GAB2: variants seen among roughly 807,000 people sequenced by gnomAD.
GAB2 encodes the protein GRB2-associated-binding protein 2.
GAB2 carries 26 observed loss-of-function variants against 65.5 expected under a neutral mutation model. That is an observed-to-expected ratio of 0.40 (90% CI 0.29 to 0.55). GAB2 has a LOEUF of 0.55. GAB2 is among the 20% of genes least tolerant of loss of function. The probability of loss-of-function intolerance (pLI) is 0.53; values close to 1 mark genes in which losing one functional copy is unlikely to be tolerated. For synonymous variants in GAB2, 321 were observed against 329.6 expected (o/e 0.97, Z 0.28); for missense variants, 884 against 875.8 (o/e 1.01, Z -0.12).
chr11:78,319,442 GAT>G (rs532212520), intron 1 of GAB2, among the ~76,000 whole-genome samples: 10 of 152,192 alleles, frequency 6.6e-5, no homozygotes, highest in Non-Finnish European at 1.0e-4. Context: ...TATGTATGAA[GAT>G]ATATATTGCA....
At chr11:78,392,789 T>C (rs892283228) in intron 1 of GAB2, among the ~76,000 whole-genome samples, 15 of 152,182 alleles carry the variant, frequency 9.9e-5, no homozygotes, top group Non-Finnish European at 2.1e-4. Context: ...AAATGTTACT[T>C]TTCCATCTGT....
chr11:78,397,067 T>C (rs1174098313), intron 1 of GAB2, among the ~76,000 whole-genome samples: 1 of 152,228 alleles, frequency 6.6e-6, no homozygotes, highest in Non-Finnish European at 1.5e-5. Context: ...TATTTATTAA[T>C]ATTATTTTTG....
At chr11:78,369,482 C>T (rs1248724483) in intron 1 of GAB2, among the ~76,000 whole-genome samples, 2 of 152,132 alleles carry the variant, frequency 1.3e-5, no homozygotes, top group East Asian at 3.8e-4. Flanking sequence ...AACTTGCATC[C>T]CTTATACAGT....
Position 78,349,600 on chromosome 11 carries a change from T to G in GAB2, c.75+68046A>C, listed in dbSNP as rs577142975. ...CATCCTCAGAAAGGAAAAGCCCTGA[T>G]AGCCTAGGGACAAGAAGAGCTGCTA... On this transcript the variant is annotated intron_variant, in intron 1 of 9. Transcript: ENST00000361507. 4.6e-5 allele frequency among the ~76,000 whole-genome samples: 7 copies of G among 152,346 alleles called. No individual in the cohort carries two copies. In the South Asian group the frequency reaches 1.4e-3, roughly 32 times the overall value.
chr11:78,220,267 G>A (rs749069069), intron 9 of GAB2, 52 bp downstream of exon 9: 17 of 1,604,498 alleles, frequency 1.1e-5, no homozygotes, highest in South Asian at 5.5e-5. Flanking sequence ...CATGATCTCT[G>A]CCTCCGGGAC....
intron 1 of GAB2, among the ~76,000 whole-genome samples, chr11:78,303,294 A>C (rs1477885206): frequency 1.3e-5 from 2 of 152,108 alleles, no homozygotes; most frequent in Non-Finnish European, 2.9e-5. Context: ...TTTTCTTATA[A>C]ATGTTTTATA....
intron 3 of GAB2, among the ~76,000 whole-genome samples, chr11:78,242,373 G>C (rs1021035737): frequency 6.6e-6 from 1 of 151,948 alleles, no homozygotes; most frequent in African/African-American, 2.4e-5. Context: ...GTGGTGGCGG[G>C]CACCTGTAGT....
At chr11:78,346,718 TATAA>T (rs1352117370) in intron 1 of GAB2, among the ~76,000 whole-genome samples, 1,760 of 74,720 alleles carry the variant, frequency 0.024, 85 homozygotes, top group East Asian at 0.048. Context: ...TATATATATA[TATAA>T]TTTTTTTTTT....
chr11:78,401,649 G>C (rs1474634476), intron 1 of GAB2, among the ~76,000 whole-genome samples: 2 of 151,950 alleles, frequency 1.3e-5, no homozygotes, highest in African/African-American at 2.4e-5. Flanking sequence ...CAGTATTCCA[G>C]TGTGTGTGCG....
intron 1 of GAB2, among the ~76,000 whole-genome samples, chr11:78,291,989 A>G (rs1866693267): frequency 7.1e-6 from 1 of 140,474 alleles, no homozygotes; most frequent in South Asian, 2.4e-4. Flanking sequence ...GAGCTTCACT[A>G]AGAGGTGTGT....
At chr11:78,269,057 T>TA (rs1272730889) in intron 2 of GAB2, among the ~76,000 whole-genome samples, 2 of 151,846 alleles carry the variant, frequency 1.3e-5, no homozygotes, top group African/African-American at 4.8e-5. Flanking sequence ...TTAAAGGAAT[T>TA]AGAATTTCAG....
intron 1 of GAB2, among the ~76,000 whole-genome samples, chr11:78,397,463 G>A (rs1856916415): frequency 1.3e-5 from 2 of 152,212 alleles, no homozygotes; most frequent in African/African-American, 2.4e-5. Flanking sequence ...GGTGACACAG[G>A]TGAACTAGAG....
chr11:78,390,239 T>C (rs1244432785), intron 1 of GAB2, among the ~76,000 whole-genome samples: 1 of 152,214 alleles, frequency 6.6e-6, no homozygotes, highest in Non-Finnish European at 1.5e-5. Context: ...GCGAGGCTAT[T>C]GCTTTATAGC....
At chr11:78,312,974 A>G (rs778989208) in intron 1 of GAB2, among the ~76,000 whole-genome samples, 40 of 151,726 alleles carry the variant, frequency 2.6e-4, no homozygotes, top group Non-Finnish European at 5.1e-4. Flanking sequence ...GTGTGTGTGT[A>G]ATATAAAACA....
intron 1 of GAB2, among the ~76,000 whole-genome samples, chr11:78,350,621 C>G (rs764173931): frequency 7.6e-4 from 116 of 152,178 alleles, no homozygotes; most frequent in Non-Finnish European, 1.5e-3. Context: ...CAAGGATAAT[C>G]TGAAATTCAG....
chr11:78,221,637 A>G, intron 8 of GAB2, 40 bp downstream of exon 8: 1 of 1,278,870 alleles, frequency 7.8e-7, no homozygotes, highest in Non-Finnish European at 1.1e-6. Context: ...GTCCCAGGGG[A>G]CTTGAAAGGC....
At chr11:78,323,585 T>C (rs993501260) in intron 1 of GAB2, among the ~76,000 whole-genome samples, 1 of 150,778 alleles carries the variant, frequency 6.6e-6, no homozygotes, top group African/African-American at 2.4e-5. Flanking sequence ...GAGCTAAATA[T>C]TGGGTATACA....
rs770138861 is a variant in GAB2, at chr11:78,280,689, G to A, written c.288C>T (p.Tyr96=). 73 of 1,613,796 alleles carry A rather than the reference G, an allele frequency of 4.5e-5. No individual in the cohort carries two copies. The highest frequency in any genetic ancestry group is 5.8e-5 in the Non-Finnish European group (69 of 1,179,814). The change falls in exon 2 of 10, where the codon TAC becomes TAT. Residue 96 remains tyrosine, a synonymous_variant. Coordinates refer to ENST00000361507, the MANE Select transcript of GAB2 (RefSeq NM_080491.3). ...FDIKTSERTF[Y]LVAETEEDMN... is the part of the protein sequence containing the mutation. ...TGTCCTCTTCTGTCTCAGCCACCAG[G>A]TAAAAGGTGCGTTCACTGGTCTTGA... is the stretch of plus-strand genomic sequence containing the variant.
intron 3 of GAB2, among the ~76,000 whole-genome samples, chr11:78,236,993 T>C (rs1865000086): frequency 6.6e-6 from 1 of 152,238 alleles, no homozygotes; most frequent in Non-Finnish European, 1.5e-5. Flanking sequence ...ATGGGGGATA[T>C]TCTCTGTAAT....
Sources: allele counts gnomAD v4.1 joint callset (sites outside exome capture counted in the v4.1 genomes callset), GRCh38; gene constraint gnomAD v4.1.1; transcripts MANE v1.5; gene names NCBI Gene and HGNC (gene_info 2026-07-23, HGNC 2026-07-21).